Variants in RBMS3 observed in about 807,000 individuals in gnomAD.
The protein encoded by RBMS3 is RNA-binding motif, single-stranded-interacting protein 3.
Under a neutral mutation model 66.8 loss-of-function variants are expected in RBMS3, and 27 were observed. The observed-to-expected ratio is 0.40, with a 90% CI of 0.30 to 0.56. The LOEUF (loss-of-function observed/expected upper bound fraction) is 0.56. RBMS3 is among the 20% of genes least tolerant of loss of function. The probability of loss-of-function intolerance (pLI) is 0.40; values close to 1 mark genes in which losing one functional copy is unlikely to be tolerated. For missense variants in RBMS3, 513 were observed against 549.5 expected, an observed-to-expected ratio of 0.93 and a Z score of 0.66; for synonymous variants, 188 against 183.0, an observed-to-expected ratio of 1.03 and a Z score of -0.22.
intron 3 of RBMS3, among the ~76,000 whole-genome samples, chr3:29,545,792 C>G (rs2045927263): frequency 6.6e-6 from 1 of 152,144 alleles, no homozygotes; most frequent in South Asian, 2.1e-4. Flanking sequence ...AAATATCTCA[C>G]AAGTTTGTTC....
chr3:29,515,488 C>T (rs768960994), intron 3 of RBMS3, among the ~76,000 whole-genome samples: 2 of 152,058 alleles, frequency 1.3e-5, no homozygotes, highest in East Asian at 1.9e-4. Context: ...TTTGGAAAGT[C>T]GATTCTGGCA....
intron 1 of RBMS3, among the ~76,000 whole-genome samples, chr3:29,406,883 T>C (rs1329457272): frequency 6.6e-6 from 1 of 152,222 alleles, no homozygotes; most frequent in Non-Finnish European, 1.5e-5. Context: ...ATTTTTAAAT[T>C]TGAAAATCAA....
intron 2 of RBMS3, among the ~76,000 whole-genome samples, chr3:29,481,998 G>A (rs1348871206): frequency 2.0e-5 from 3 of 152,192 alleles, no homozygotes; most frequent in African/African-American, 7.2e-5. Context: ...AACAGGTGCT[G>A]AGGGGTTGAG....
rs541073469 is a variant in RBMS3, at chr3:29,546,699, A to G, written c.308-40415A>G. Among the ~76,000 whole-genome samples, 5 of 152,300 alleles carry G rather than the reference A, an allele frequency of 3.3e-5. No homozygotes were observed. In the South Asian group the frequency reaches 1.0e-3, roughly 32 times the overall value. ...TTGCAAGTGTAAGTTTTGCTAGTCT[A>G]TGATTGCATTGGGCTGGGATACAGA... On this transcript the variant is annotated intron_variant, in intron 3 of 14. Transcript: ENST00000383767.
At position 29,374,788 on chromosome 3, in the gene RBMS3, C is replaced by A. The variant is rs966150966; in HGVS notation, c.76-59955C>A. On this transcript the variant is annotated intron_variant, in intron 1 of 14. Coordinates refer to ENST00000383767, the MANE Select transcript of RBMS3 (RefSeq NM_001003793.3). The stretch of plus-strand genomic sequence containing the variant: ...AATAAATTACAGTATACAGAAAAGG[C>A]AATACTCAAAACTCATCACGTCATA... 9.9e-5 allele frequency among the ~76,000 whole-genome samples: 15 copies of A among 152,250 alleles called. 1 individual carries two copies. The highest frequency in any genetic ancestry group is 6.8e-3 in the Middle Eastern group (2 of 294).
chr3:29,444,368 A>C (rs78485613), intron 2 of RBMS3, among the ~76,000 whole-genome samples: 3 of 151,958 alleles, frequency 2.0e-5, no homozygotes, highest in Non-Finnish European at 4.4e-5. Flanking sequence ...CTTTAAATTA[A>C]TAAGTTTTGT....
chr3:29,531,363 T>G (rs1446029105), intron 3 of RBMS3, among the ~76,000 whole-genome samples: 1 of 152,354 alleles, frequency 6.6e-6, no homozygotes, highest in African/African-American at 2.4e-5. Flanking sequence ...TAAGTCAGGC[T>G]TCAACCATGA....
At chr3:29,770,621 G>C (rs1288926381) in intron 6 of RBMS3, among the ~76,000 whole-genome samples, 1 of 151,940 alleles carries the variant, frequency 6.6e-6, no homozygotes, top group Non-Finnish European at 1.5e-5. Context: ...ATTCAGGTCT[G>C]CACGAATTTC....
At position 29,688,754 on chromosome 3, in the gene RBMS3, TG is replaced by T. The variant is rs1451055143; in HGVS notation, c.400-50965del. Among the ~76,000 whole-genome samples, 11 of 151,906 alleles carry T rather than the reference TG, an allele frequency of 7.2e-5. No individual in the cohort carries two copies. In the East Asian group the frequency reaches 2.1e-3, roughly 30 times the overall value. On this transcript the variant is annotated intron_variant, in intron 4 of 14. Transcript: ENST00000383767. Reference sequence around the variant, plus strand: ...GATGCCATCACACCAAGCTGATTTTTGTATTTTTAGTATAGACAGGGTTTCA... The same window carrying T: ...GATGCCATCACACCAAGCTGATTTTTTATTTTTAGTATAGACAGGGTTTCA...
At chr3:29,724,913 A>G (rs2053791324) in intron 4 of RBMS3, among the ~76,000 whole-genome samples, 1 of 152,194 alleles carries the variant, frequency 6.6e-6, no homozygotes. Flanking sequence ...AGGCAGGCAG[A>G]GATCATGTCC....
chr3:29,856,035 TCA>T (rs1032039078), intron 6 of RBMS3, among the ~76,000 whole-genome samples: 6 of 152,184 alleles, frequency 3.9e-5, no homozygotes, highest in African/African-American at 1.4e-4. Context: ...TATAATAGAC[TCA>T]CACAAGAATA....
Position 29,327,807 on chromosome 3 carries a change from T to C in RBMS3, c.75+46051T>C, listed in dbSNP as rs539908588. Among the ~76,000 whole-genome samples the C allele has an allele frequency of 3.3e-5, 5 of 152,116 alleles. 1 individual carries two copies. The South Asian group carries it at 1.0e-3, about 32-fold the overall frequency. On this transcript the variant is annotated intron_variant, in intron 1 of 14. Transcript: ENST00000383767. ...TGTTTCCTAGGTCCTAATAAAAGCT[T>C]GTATTTATATGTAACTCACTATTGC... is the stretch of plus-strand genomic sequence containing the variant.
rs78570481 is a variant in RBMS3, at chr3:29,669,632, T to G, written c.400-70088T>G. On this transcript the variant is annotated intron_variant, in intron 4 of 14. Transcript: ENST00000383767. ...AAAAACAAAGCTGTCATTGAGGTGT[T>G]AGATTAAATGACTCCTAGAAACATT... is the stretch of plus-strand genomic sequence containing the variant. Among the ~76,000 whole-genome samples the G allele has an allele frequency of 7.3e-4, 110 of 151,508 alleles. 2 individuals are homozygous for G. In the East Asian group the frequency reaches 0.02, roughly 28 times the overall value.
intron 10 of RBMS3, among the ~76,000 whole-genome samples, chr3:29,902,675 T>C (rs947682375): frequency 2.6e-5 from 4 of 151,930 alleles, no homozygotes; most frequent in Non-Finnish European, 5.9e-5. Context: ...GCTTGCAACT[T>C]TTCTTCTCTG....
At chr3:29,524,829 G>A (rs1296948372) in intron 3 of RBMS3, among the ~76,000 whole-genome samples, 1 of 152,010 alleles carries the variant, frequency 6.6e-6, no homozygotes, top group African/African-American at 2.4e-5. Flanking sequence ...GAGGTGGGTG[G>A]GTTGCTTGAG....
intron 4 of RBMS3, among the ~76,000 whole-genome samples, chr3:29,698,822 A>G (rs1413368470): frequency 6.6e-6 from 1 of 152,166 alleles, no homozygotes; most frequent in Non-Finnish European, 1.5e-5. Flanking sequence ...TGTTGTACGA[A>G]AAATTTATAT....
At chr3:29,666,187 C>T (rs151043639) in intron 4 of RBMS3, among the ~76,000 whole-genome samples, 2 of 152,302 alleles carry the variant, frequency 1.3e-5, no homozygotes, top group East Asian at 3.9e-4. Flanking sequence ...AAGTTGACCA[C>T]CCTGACCATC....
At chr3:29,536,847 G>A (rs1245948891) in intron 3 of RBMS3, among the ~76,000 whole-genome samples, 1 of 152,204 alleles carries the variant, frequency 6.6e-6, no homozygotes. Flanking sequence ...CCGACTGCAA[G>A]TGATATTGTA....
chr3:29,881,193 C>G (rs1483909916), intron 7 of RBMS3, among the ~76,000 whole-genome samples: 2 of 152,096 alleles, frequency 1.3e-5, no homozygotes, highest in Non-Finnish European at 2.9e-5. Context: ...GACCTCTCAT[C>G]TCCATCTGTG....
Sources: gnomAD v4.1 joint callset for allele counts (sites outside exome capture counted in the v4.1 genomes callset) on GRCh38, gnomAD v4.1.1 for gene constraint, MANE v1.5 for transcripts, NCBI Gene and HGNC (gene_info 2026-07-23, HGNC 2026-07-21) for gene names.